Variants in CLASP2 observed in about 807,000 individuals in gnomAD.
CLASP2 encodes the protein cytoplasmic linker associated protein 2.
CLASP2 carries 47 observed loss-of-function variants against 194.4 expected under a neutral mutation model. The observed-to-expected ratio is 0.24, with a 90% CI of 0.19 to 0.31. CLASP2 has a LOEUF of 0.31. Ranked by LOEUF, CLASP2 falls within the 10% of genes least tolerant of loss-of-function variation. The pLI is 1.00. For missense variants in CLASP2, 1,445 were observed against 1,823.6 expected, an observed-to-expected ratio of 0.79 and a Z score of 3.78; for synonymous variants, 619 against 633.5, an observed-to-expected ratio of 0.98 and a Z score of 0.34.
chr3:33,700,072 C>T (rs1239783290), intron 1 of CLASP2, among the ~76,000 whole-genome samples: 1 of 80,512 alleles, frequency 1.2e-5, no homozygotes, highest in Non-Finnish European at 2.8e-5. Flanking sequence ...TACATGACAG[C>T]AGACAAAAAC....
At chr3:33,696,961 T>C in intron 1 of CLASP2, 28 bp from the exon 2 acceptor site, 1 of 1,233,098 alleles carries the variant, frequency 8.1e-7, no homozygotes. Context: ...TTTTAATGAA[T>C]ATAAATTACT....
chr3:33,659,365 C>G, intron 7 of CLASP2: 1 of 1,068,544 alleles, frequency 9.4e-7, no homozygotes, highest in Non-Finnish European at 1.1e-6. Context: ...ACTTTTAATG[C>G]AATCATCAAA....
chr3:33,612,137 G>A, intron 12 of CLASP2, 66 bp from the exon 13 acceptor site: 1 of 955,338 alleles, frequency 1.0e-6, no homozygotes, highest in Non-Finnish European at 1.6e-6. Flanking sequence ...TCTTCTATTT[G>A]CCTTACATTC....
chr3:33,601,312 T>C (rs1362035160), intron 18 of CLASP2, among the ~76,000 whole-genome samples: 2 of 152,182 alleles, frequency 1.3e-5, no homozygotes, highest in African/African-American at 4.8e-5. Flanking sequence ...CCCTTAACTT[T>C]TGTGTTATAG....
In CLASP2 at chr3:33,538,851, G is replaced by A. The variant is rs1017768054; in HGVS notation, c.3496C>T (p.Arg1166Cys). ...GGCTCATTCATATCTTCTTGGCTACGGAAGCTGAAATTCTGGATTGCTTCA... is the reference window on the plus strand; with the variant it reads ...GGCTCATTCATATCTTCTTGGCTACAGAAGCTGAAATTCTGGATTGCTTCA... The part of the protein sequence containing the change: ...VTEAIQNFSF[R>C]SQEDMNEPLK... The change falls in exon 33 of 39, where the codon CGT becomes TGT. Residue 1166 changes from arginine (R) to cysteine (C), a missense_variant. Around this residue, in one of 4 missense-constraint regions of CLASP2, gnomAD observed 732 missense variants for 987.9 expected, o/e 0.74. Coordinates refer to ENST00000682230, the MANE Select transcript of CLASP2 (RefSeq NM_001365631.1). 6.9e-6 allele frequency: 11 copies of A among 1,603,422 alleles called. No homozygotes were observed. The highest frequency in any genetic ancestry group is 1.7e-4 in the Middle Eastern group (1 of 6,024).
chr3:33,539,745 A>G (rs2058023055), intron 32 of CLASP2, among the ~76,000 whole-genome samples: 1 of 152,076 alleles, frequency 6.6e-6, no homozygotes, highest in Non-Finnish European at 1.5e-5. Context: ...CAGAGTTGAG[A>G]AGAGACTCTA....
chr3:33,619,423 T>G (rs924171176), intron 12 of CLASP2, among the ~76,000 whole-genome samples, 180 bp downstream of exon 12: 2 of 152,072 alleles, frequency 1.3e-5, no homozygotes, highest in African/African-American at 4.8e-5. Flanking sequence ...AATGACCATC[T>G]GTGGCTTTCA....
chr3:33,619,760 A>T, intron 11 of CLASP2, 22 bp from the exon 12 acceptor site: 3 of 1,548,426 alleles, frequency 1.9e-6, no homozygotes, highest in Non-Finnish European at 2.6e-6. Flanking sequence ...GACAAAAAGT[A>T]TTTTTTAATA....
chr3:33,632,565 T>C (rs564758272), intron 8 of CLASP2, among the ~76,000 whole-genome samples, 194 bp from the exon 9 acceptor site: 2 of 152,198 alleles, frequency 1.3e-5, no homozygotes, highest in African/African-American at 4.8e-5. Flanking sequence ...CGATTCATTA[T>C]AAGGTACTAG....
intron 21 of CLASP2, among the ~76,000 whole-genome samples, chr3:33,590,139 T>C (rs116383053): frequency 6.6e-6 from 1 of 152,190 alleles, no homozygotes; most frequent in African/African-American, 2.4e-5. Context: ...AGCCAACATA[T>C]ATAGTGCTTA....
At position 33,510,591 on chromosome 3, in the gene CLASP2, C is replaced by T; in HGVS notation, c.4284G>A (p.Leu1428=). The T allele has an allele frequency of 6.2e-7, 1 of 1,613,866 alleles. No individual in the cohort carries two copies. Among genetic ancestry groups the T allele is most frequent in the South Asian group, 1.1e-5 (1 of 91,072 alleles). The part of the protein sequence containing the change: ...IERVSKETLN[L]LLPEIMPGLI... Reference sequence around the variant, plus strand: ...GACCTGGCATAATCTCTGGCAAAAGCAGGTTTAGGGTTTCCTTGGACACTC... The same window carrying T: ...GACCTGGCATAATCTCTGGCAAAAGTAGGTTTAGGGTTTCCTTGGACACTC... The change falls in exon 37 of 39, where the codon CTG becomes CTA. Residue 1428 remains leucine, a synonymous_variant. Transcript: ENST00000682230.
intron 34 of CLASP2, among the ~76,000 whole-genome samples, chr3:33,520,562 T>A (rs969736677): frequency 4.6e-5 from 7 of 151,596 alleles, no homozygotes; most frequent in African/African-American, 1.7e-4. Flanking sequence ...TGGTTTTGAG[T>A]GAGGATGGAA....
chr3:33,671,457 AG>A (rs1458637495), intron 6 of CLASP2, among the ~76,000 whole-genome samples: 1 of 152,216 alleles, frequency 6.6e-6, no homozygotes, highest in Non-Finnish European at 1.5e-5. Context: ...ATGACTAAGG[AG>A]GAGCCAAGAT....
chr3:33,615,487 G>A (rs1309719815), intron 12 of CLASP2, among the ~76,000 whole-genome samples: 1 of 148,160 alleles, frequency 6.7e-6, no homozygotes, highest in Non-Finnish European at 1.5e-5. Context: ...CATACATAAA[G>A]TACATATATC....
chr3:33,614,506 G>C (rs113109208), intron 12 of CLASP2, among the ~76,000 whole-genome samples: 10,629 of 152,202 alleles, frequency 0.07, 464 homozygotes, highest in Admixed American at 0.1. Context: ...AATAGTATTA[G>C]TGAAAGACAA....
intron 17 of CLASP2, 132 bp downstream of exon 17, chr3:33,604,022 G>A (rs1299554425): frequency 3.1e-6 from 2 of 655,150 alleles, no homozygotes; most frequent in Non-Finnish European, 5.4e-6. Context: ...ACATATACAG[G>A]TACAGTGCAT....
At chr3:33,678,855 A>G (rs1472032199) in intron 6 of CLASP2, among the ~76,000 whole-genome samples, 5 of 152,224 alleles carry the variant, frequency 3.3e-5, no homozygotes, top group African/African-American at 9.6e-5. Flanking sequence ...AACTTGATCT[A>G]TGGATTCAAT....
At chr3:33,517,214 G>A (rs756036091) in intron 34 of CLASP2, 40 bp from the exon 35 acceptor site, 1 of 1,490,878 alleles carries the variant, frequency 6.7e-7, no homozygotes, top group East Asian at 2.4e-5. Context: ...AACTTTATAG[G>A]GTGACTCTCA....
chr3:33,675,977 A>C (rs2088532427), intron 6 of CLASP2, among the ~76,000 whole-genome samples: 1 of 151,424 alleles, frequency 6.6e-6, no homozygotes, highest in Admixed American at 6.6e-5. Flanking sequence ...ATGGGTAGGA[A>C]GAATCAATAT....
Sources: allele counts gnomAD v4.1 joint callset (sites outside exome capture counted in the v4.1 genomes callset), GRCh38; gene constraint gnomAD v4.1.1; regional missense constraint gnomAD v4.1.1; transcripts MANE v1.5; gene names NCBI Gene and HGNC (gene_info 2026-07-23, HGNC 2026-07-21).